The following ADCY7 variants were observed in gnomAD, a reference collection of about 807,000 sequenced individuals.
The protein encoded by ADCY7 is adenylate cyclase 7.
In ADCY7, 72 loss-of-function variants were observed where a neutral mutation model predicts 120.6. The observed-to-expected ratio is 0.60, with a 90% CI of 0.49 to 0.73. The LOEUF (loss-of-function observed/expected upper bound fraction) is 0.73, where lower values mean the gene tolerates loss of function less well. Ranked by LOEUF, ADCY7 falls within the 30% of genes least tolerant of loss-of-function variation. The pLI is 0.00. For missense variants in ADCY7, 1,227 were observed against 1,486.0 expected (o/e 0.83, Z 2.87); for synonymous variants, 661 against 628.0 (o/e 1.05, Z -0.78).
At chr16:50,310,424 G>A (rs750658125) in intron 18 of ADCY7, 8 of 1,532,604 alleles carry the variant, frequency 5.2e-6, no homozygotes, top group Non-Finnish European at 7.0e-6. Flanking sequence ...CTCCGGCCTT[G>A]ACCTTGACTG....
At chr16:50,283,336 G>A (rs1413589328) in intron 1 of ADCY7, among the ~76,000 whole-genome samples, 1 of 152,238 alleles carries the variant, frequency 6.6e-6, no homozygotes, top group African/African-American at 2.4e-5. Context: ...TCTTGTGCCA[G>A]TTCTCCATGT....
chr16:50,310,686 GTAC>G lies in ADCY7; in HGVS notation c.2164_2166del (p.Tyr722del), dbSNP rs1460236165. 1.2e-6 allele frequency: 2 copies of G among 1,613,592 alleles called. No homozygotes were observed. Among genetic ancestry groups the G allele is most frequent in the African/African-American group, 2.7e-5 (2 of 74,892 alleles). On this transcript the variant is annotated inframe_deletion and splice_region_variant, in exon 19 of 26. Transcript: ENST00000673801. ...TCCTGAGTGACACCCTGCCCCCTCA[GTAC>G]TACACCTGCAGCTGTGTCCTGGGCT...
chr16:50,310,886 G>A lies in ADCY7; in HGVS notation c.2354+6G>A. ...AAGCCCAACGGCACCACCAGGTGGG[G>A]TCCCGCCCGTCCCCGTCCCCATCCC... On this transcript the variant is annotated splice_donor_region_variant and intron_variant, in intron 19 of 25. Coordinates refer to ENST00000673801, the MANE Select transcript of ADCY7 (RefSeq NM_001114.5). The A allele has an allele frequency of 6.3e-7, 1 of 1,582,748 alleles. No homozygotes were observed.
chr16:50,281,901 A>G (rs937129746), intron 1 of ADCY7, among the ~76,000 whole-genome samples: 3 of 152,300 alleles, frequency 2.0e-5, no homozygotes, highest in Non-Finnish European at 1.5e-5. Context: ...CCCTTGGCAA[A>G]TGAAAAATCT....
Position 50,295,345 on chromosome 16 carries a change from A to ATTTTTTTTTTTTTTTT in ADCY7, c.948+609_948+624dup, listed in dbSNP as rs67137852. Among the ~76,000 whole-genome samples the ATTTTTTTTTTTTTTTT allele has an allele frequency of 2.1e-4, 17 of 82,746 alleles. 1 individual carries two copies. The highest frequency in any genetic ancestry group is 3.4e-4 in the Non-Finnish European group (15 of 43,904). The allele number at this position is 82,746 out of a possible 152,430, so 54.3% of individuals were successfully genotyped here. On this transcript the variant is annotated intron_variant, in intron 7 of 25. Transcript: ENST00000673801. ...AGGCATGCACCACCACGCCTGGCTAATTTTTTTTTTTTTTTTTTTTTTTTT... is the reference window on the plus strand; with the variant it reads ...AGGCATGCACCACCACGCCTGGCTAATTTTTTTTTTTTTTTTTTTTTTTTTTTTTTTTTTTTTTTTT...
chr16:50,253,744 G>T (rs182780846), intron 1 of ADCY7, among the ~76,000 whole-genome samples: 4 of 152,132 alleles, frequency 2.6e-5, no homozygotes, highest in African/African-American at 9.7e-5. Context: ...TAATGACGCC[G>T]CCCAGGCTGG....
chr16:50,312,087 G>A lies in ADCY7; in HGVS notation c.2500G>A (p.Glu834Lys). The A allele has an allele frequency of 6.2e-7, 1 of 1,614,208 alleles. No homozygotes were observed. Among genetic ancestry groups the A allele is most frequent in the Non-Finnish European group, 8.5e-7 (1 of 1,180,044 alleles). Residue 834 changes from glutamate (E) to lysine (K), a missense_variant, in exon 21 of 26, where the codon GAG (glutamate) becomes AAG (lysine). This residue lies in a region of ADCY7 where 267 missense variants were observed against 270.0 expected (regional missense o/e 0.99). Coordinates refer to ENST00000673801, the MANE Select transcript of ADCY7 (RefSeq NM_001114.5). ...CCTATGGAAGAAGAAGTTCAAGAAG[G>A]AGCACGAGGAGTTTGAGACCATGGA... ...DCLWKKKFKKEHEEFETMENV... is the reference protein window; with the variant it reads ...DCLWKKKFKKKHEEFETMENV...
At position 50,293,509 on chromosome 16, in the gene ADCY7, G is replaced by T. The variant is rs373276874; in HGVS notation, c.836+7G>T. ...AGAGGCACCAGAATGTCAGGTGGGC[G>T]GTGAGACGTGTGATTAGCATATCCC... On this transcript the variant is annotated splice_region_variant and intron_variant, in intron 6 of 25. Coordinates refer to ENST00000673801, the MANE Select transcript of ADCY7 (RefSeq NM_001114.5). 4.3e-6 allele frequency: 7 copies of T among 1,613,478 alleles called. No individual in the cohort carries two copies. The highest frequency in any genetic ancestry group is 1.1e-5 in the South Asian group (1 of 91,056).
rs996112072 is a variant in ADCY7 at position 50,287,921 on chromosome 16, A to T, written c.-259A>T. 4.1e-5 allele frequency: 17 copies of T among 419,020 alleles called. No homozygotes were observed. In the Admixed American group the frequency reaches 6.9e-4, roughly 17 times the overall value. The allele number at this position is 419,020 out of a possible 1,614,324, so 26.0% of individuals were successfully genotyped here. On this transcript the variant is annotated 5_prime_UTR_variant, in exon 2 of 26. Transcript: ENST00000673801. The stretch of plus-strand genomic sequence containing the variant: ...TGCTTCGTCTCCGCAGAGCTGAGGA[A>T]CTGCGTGTGGAGTCAGCCCAGTCTG...
At chr16:50,274,888 G>A (rs181166069) in intron 1 of ADCY7, among the ~76,000 whole-genome samples, 3 of 152,240 alleles carry the variant, frequency 2.0e-5, no homozygotes, top group Admixed American at 1.3e-4. Context: ...AGAATTGCCC[G>A]AGTCACACAG....
At position 50,286,429 on chromosome 16, in the gene ADCY7, CA is replaced by C. The variant is rs34686094; in HGVS notation, c.-268-1466del. ...TGGGTGACAGAGTGAGACCCCATCT[CA>C]AAAAAAAAAAAAAAAAGAGAGAAAG... is the stretch of plus-strand genomic sequence containing the variant. On this transcript the variant is annotated intron_variant, in intron 1 of 25. Transcript: ENST00000673801. Among the ~76,000 whole-genome samples, 465 of 112,314 alleles carry C rather than the reference CA, an allele frequency of 4.1e-3. 1 individual carries two copies. The highest frequency in any genetic ancestry group is 0.012 in the African/African-American group (345 of 28,694). The allele number at this position is 112,314 out of a possible 152,430, so 73.7% of individuals were successfully genotyped here.
rs371595353 is a variant in ADCY7 at position 50,294,682 on chromosome 16, C to T, written c.879C>T (p.Ser293=). 1.4e-5 allele frequency: 22 copies of T among 1,613,456 alleles called. No homozygotes were observed. In the African/African-American group the frequency reaches 1.5e-4, roughly 11 times the overall value. ...ADIVGFTQLA[S]DCSPKELVVV... The stretch of plus-strand genomic sequence containing the variant: ...TCGTGGGCTTCACGCAGCTGGCCAG[C>T]GACTGTTCTCCCAAGGAGCTGGTGG... Residue 293 remains serine, a synonymous_variant, in exon 7 of 26, where the codon AGC becomes AGT. Coordinates refer to ENST00000673801, the MANE Select transcript of ADCY7 (RefSeq NM_001114.5).
At chr16:50,291,936 G>T in intron 4 of ADCY7, 39 bp downstream of exon 4, 2 of 1,568,956 alleles carry the variant, frequency 1.3e-6, no homozygotes, top group Non-Finnish European at 1.7e-6. Context: ...AGGTTTTGTG[G>T]TCTGGGTCTA....
intron 1 of ADCY7, among the ~76,000 whole-genome samples, chr16:50,253,011 T>C (rs1440175108): frequency 6.6e-6 from 1 of 152,208 alleles, no homozygotes; most frequent in Non-Finnish European, 1.5e-5. Flanking sequence ...GAGTTCTGTC[T>C]GCCCCAGGCT....
At position 50,306,393 on chromosome 16, in the gene ADCY7, C is replaced by T. The variant is rs561900547; in HGVS notation, c.1752+544C>T. Among the ~76,000 whole-genome samples, 6 of 152,314 alleles carry T rather than the reference C, an allele frequency of 3.9e-5. No homozygotes were observed. In the East Asian group the frequency reaches 1.2e-3, roughly 29 times the overall value. On this transcript the variant is annotated intron_variant, in intron 14 of 25. Transcript: ENST00000673801. ...GCTCTCAGAGGCTTCAGAGCCTGTC[C>T]CCAGCTTCAGGTGTGGCTCCCTGAG...
rs1024919916 is a variant in ADCY7, at chr16:50,297,968, C to T, written c.949-936C>T. On this transcript the variant is annotated intron_variant, in intron 7 of 25. Transcript: ENST00000673801. The surrounding 1 kb of genome is among the most constrained non-coding windows in gnomAD (Gnocchi z 4.4). The stretch of plus-strand genomic sequence containing the variant: ...ATGAGGCCTCGGTGCATGTGGCCAC[C>T]CTTGCTGAGGGCTTAAGGAGGGTCT... Among the ~76,000 whole-genome samples the T allele has an allele frequency of 6.6e-6, 1 of 151,976 alleles. No homozygotes were observed. Among genetic ancestry groups the T allele is most frequent in the Non-Finnish European group, 1.5e-5 (1 of 67,970 alleles).
Position 50,253,582 on chromosome 16 carries a change from G to T in ADCY7, c.-64+7379G>T, listed in dbSNP as rs544247466. ...AATGGGTCCGTTTCTTACCTTTGTGGTGCCCTCAGGCTGGACCCAGGTTTG... is the reference window on the plus strand; with the variant it reads ...AATGGGTCCGTTTCTTACCTTTGTGTTGCCCTCAGGCTGGACCCAGGTTTG... On this transcript the variant is annotated intron_variant, in intron 1 of 4. Coordinates refer to the ADCY7 transcript ENST00000564044. 4.6e-5 allele frequency among the ~76,000 whole-genome samples: 7 copies of T among 152,300 alleles called. No homozygotes were observed. In the South Asian group the frequency reaches 1.5e-3, roughly 32 times the overall value.
chr16:50,289,839 T>C (rs1344849932), intron 2 of ADCY7, among the ~76,000 whole-genome samples: 2 of 152,252 alleles, frequency 1.3e-5, no homozygotes, highest in African/African-American at 4.8e-5. Flanking sequence ...AGGGTGTTTA[T>C]GTGAGTGAAG....
At chr16:50,293,596 A>C in intron 6 of ADCY7, 94 bp downstream of exon 6, 2 of 1,457,440 alleles carry the variant, frequency 1.4e-6, no homozygotes, top group South Asian at 2.6e-5. Flanking sequence ...CTGGAGGCTC[A>C]GACCCCTGCC....
Sources: allele counts gnomAD v4.1 joint callset (sites outside exome capture counted in the v4.1 genomes callset), GRCh38; gene constraint gnomAD v4.1.1; regional missense constraint gnomAD v4.1.1; non-coding constraint Gnocchi (gnomAD v3.1); transcripts MANE v1.5; gene names NCBI Gene and HGNC (gene_info 2026-07-23, HGNC 2026-07-21).